The following ITGBL1 variants were observed in gnomAD, a reference collection of about 807,000 sequenced individuals.
ITGBL1 encodes the protein integrin subunit beta like 1.
ITGBL1 carries 51 observed loss-of-function variants against 68.5 expected under a neutral mutation model. The ratio of observed to expected loss-of-function variants is 0.74; its 90% CI spans 0.59 to 0.94. The LOEUF (loss-of-function observed/expected upper bound fraction) is 0.94. Among genes scored for constraint, ITGBL1 ranks in the 40% least tolerant of loss-of-function variants. The pLI is 0.00. For synonymous variants in ITGBL1, 209 were observed against 227.3 expected (o/e 0.92, Z 0.72); for missense variants, 649 against 647.4 (o/e 1.00, Z -0.03).
At chr13:101,480,797 T>C (rs1021881273) in intron 2 of ITGBL1, among the ~76,000 whole-genome samples, 1 of 151,518 alleles carries the variant, frequency 6.6e-6, no homozygotes, top group Non-Finnish European at 1.5e-5. Context: ...ATGTGAGGAG[T>C]TGGGGTTGTT....
chr13:101,557,200 AT>A (rs1456188705), intron 2 of ITGBL1, among the ~76,000 whole-genome samples: 3 of 152,208 alleles, frequency 2.0e-5, no homozygotes, highest in Non-Finnish European at 2.9e-5. Flanking sequence ...AATATTATTA[AT>A]GTTTATCAAA....
chr13:101,578,710 A>G (rs1462779911), intron 4 of ITGBL1, among the ~76,000 whole-genome samples: 1 of 152,336 alleles, frequency 6.6e-6, no homozygotes, highest in East Asian at 1.9e-4. Flanking sequence ...CCAAGGGCCC[A>G]TGGTATTTTG....
chr13:101,482,644 G>A (rs187734399), intron 2 of ITGBL1, among the ~76,000 whole-genome samples: 3 of 152,108 alleles, frequency 2.0e-5, no homozygotes, highest in East Asian at 1.9e-4. Flanking sequence ...CCATATATAG[G>A]CACTAAATAA....
intron 7 of ITGBL1, among the ~76,000 whole-genome samples, chr13:101,678,682 G>A (rs576293918): frequency 6.6e-6 from 1 of 151,944 alleles, no homozygotes; most frequent in Non-Finnish European, 1.5e-5. Context: ...TGTATTTTTA[G>A]TAGAGACTGG....
chr13:101,540,846 C>T (rs921399234), intron 2 of ITGBL1, among the ~76,000 whole-genome samples: 3 of 135,306 alleles, frequency 2.2e-5, no homozygotes, highest in Non-Finnish European at 3.2e-5. Context: ...CATGATTTGG[C>T]TCTCTGTTTG....
chr13:101,575,680 A>G, intron 4 of ITGBL1, 134 bp downstream of exon 4: 1 of 870,690 alleles, frequency 1.1e-6, no homozygotes, highest in South Asian at 1.7e-5. Flanking sequence ...TCTGGAAAAC[A>G]TTTCACATAA....
chr13:101,477,739 T>A (rs2048558452), intron 2 of ITGBL1, among the ~76,000 whole-genome samples: 1 of 151,938 alleles, frequency 6.6e-6, no homozygotes, highest in South Asian at 2.1e-4. Context: ...ATGGATAAAT[T>A]CCTAGACACA....
intron 2 of ITGBL1, among the ~76,000 whole-genome samples, chr13:101,548,784 T>C (rs2049871232): frequency 6.6e-6 from 1 of 151,796 alleles, no homozygotes; most frequent in Non-Finnish European, 1.5e-5. Flanking sequence ...GACAATTTAT[T>C]GAAATTGACA....
chr13:101,662,779 T>A (rs1332429564), intron 7 of ITGBL1, among the ~76,000 whole-genome samples: 1 of 152,164 alleles, frequency 6.6e-6, no homozygotes, highest in Non-Finnish European at 1.5e-5. Context: ...CTGGTCTCAC[T>A]TATGGTTACA....
chr13:101,653,179 AGAG>A (rs751673799), intron 7 of ITGBL1, among the ~76,000 whole-genome samples: 2,097 of 150,168 alleles, frequency 0.014, 23 homozygotes, highest in Non-Finnish European at 0.021. Flanking sequence ...GAAGAGAAGA[AGAG>A]GAGGAGGAGG....
chr13:101,637,575 T>C (rs760300727), intron 7 of ITGBL1, among the ~76,000 whole-genome samples: 24 of 152,098 alleles, frequency 1.6e-4, no homozygotes, highest in East Asian at 3.9e-4. Flanking sequence ...GATCTCCTGA[T>C]CTCCTGATTC....
At chr13:101,591,913 T>G (rs934577089) in intron 6 of ITGBL1, among the ~76,000 whole-genome samples, 10 of 152,186 alleles carry the variant, frequency 6.6e-5, no homozygotes, top group African/African-American at 2.2e-4. Flanking sequence ...TCTACTTGCT[T>G]ATAATGTGGG....
chr13:101,692,142 C>T (rs1330592916), intron 7 of ITGBL1, among the ~76,000 whole-genome samples: 2 of 151,916 alleles, frequency 1.3e-5, no homozygotes, highest in East Asian at 1.9e-4. Flanking sequence ...TGAAATATTA[C>T]CTATGACCAC....
At chr13:101,587,183 T>G (rs1239228434) in intron 6 of ITGBL1, among the ~76,000 whole-genome samples, 1 of 152,214 alleles carries the variant, frequency 6.6e-6, no homozygotes, top group African/African-American at 2.4e-5. Context: ...TCCATTTATC[T>G]GTTCAATAAT....
At chr13:101,613,291 C>T (rs1281191707) in intron 7 of ITGBL1, among the ~76,000 whole-genome samples, 4 of 152,092 alleles carry the variant, frequency 2.6e-5, no homozygotes, top group Non-Finnish European at 4.4e-5. Context: ...ACAAGGTCAA[C>T]GTTCATTCAT....
chr13:101,477,313 C>G (rs890690795), intron 2 of ITGBL1, among the ~76,000 whole-genome samples: 1 of 151,592 alleles, frequency 6.6e-6, no homozygotes, highest in Non-Finnish European at 1.5e-5. Context: ...ACTACATACC[C>G]AAACCTATGG....
chr13:101,538,323 AGAT>A, intron 2 of ITGBL1, among the ~76,000 whole-genome samples: 1 of 152,048 alleles, frequency 6.6e-6, no homozygotes, highest in South Asian at 2.1e-4. Context: ...CCGTGTAAAG[AGAT>A]GATAACAGAC....
chr13:101,460,524 T>C (rs375088098), intron 2 of ITGBL1, among the ~76,000 whole-genome samples: 2 of 152,234 alleles, frequency 1.3e-5, no homozygotes, highest in African/African-American at 2.4e-5. Context: ...TGAAAGCAAG[T>C]GCCAAACATG....
intron 2 of ITGBL1, among the ~76,000 whole-genome samples, chr13:101,457,115 C>T (rs1171561909): frequency 6.6e-6 from 1 of 152,146 alleles, no homozygotes; most frequent in East Asian, 1.9e-4. Context: ...TAGTGTCTGA[C>T]ATGAAGTAAG....
Sources: gnomAD v4.1 joint callset for allele counts (sites outside exome capture counted in the v4.1 genomes callset) on GRCh38, gnomAD v4.1.1 for gene constraint, MANE v1.5 for transcripts, NCBI Gene and HGNC (gene_info 2026-07-23, HGNC 2026-07-21) for gene names.